ARHGAP21: variants seen among roughly 807,000 people sequenced by gnomAD.
The protein encoded by ARHGAP21 is Rho GTPase activating protein 21.
ARHGAP21 carries 38 observed loss-of-function variants against 164.6 expected under a neutral mutation model. The observed-to-expected ratio is 0.23, with a 90% CI of 0.18 to 0.30. The LOEUF is 0.30. Among genes scored for constraint, ARHGAP21 ranks in the 10% least tolerant of loss-of-function variants. The pLI is 1.00. For synonymous variants in ARHGAP21, 766 were observed against 857.9 expected, an observed-to-expected ratio of 0.89 and a Z score of 1.87; for missense variants, 1,822 against 2,370.7, an observed-to-expected ratio of 0.77 and a Z score of 4.81.
At chr10:24,625,299 GAAAAAAAA>G (rs34935501) in intron 7 of ARHGAP21, among the ~76,000 whole-genome samples, 4 of 53,798 alleles carry the variant, frequency 7.4e-5, no homozygotes, top group South Asian at 8.4e-4. Context: ...ATGAAACAGA[GAAAAAAAA>G]AAAAAAAAAA....
At position 24,628,760 on chromosome 10, in the gene ARHGAP21, T is replaced by TGC. The variant is rs1472606198; in HGVS notation, c.495+1235_495+1236insGC. ...TATTTTCTTGAATGAAATATGTGTGTGTGTGTGTGTGCATATATATATACA... is the reference window on the plus strand; with the variant it reads ...TATTTTCTTGAATGAAATATGTGTGTGCGTGTGTGTGTGCATATATATATACA... On this transcript the variant is annotated intron_variant, in intron 7 of 25. Coordinates refer to ENST00000396432, the MANE Select transcript of ARHGAP21 (RefSeq NM_020824.4). Among the ~76,000 whole-genome samples the TGC allele has an allele frequency of 7.1e-5, 8 of 112,466 alleles. No homozygotes were observed. In the East Asian group the frequency reaches 1.1e-3, roughly 15 times the overall value. The allele number at this position is 112,466 out of a possible 152,430, so 73.8% of individuals were successfully genotyped here. A position where few individuals can be genotyped will look rare whatever the true frequency, so the allele number is the denominator to read the frequency against.
At chr10:24,659,813 G>A (rs1839489897) in intron 4 of ARHGAP21, among the ~76,000 whole-genome samples, 1 of 152,206 alleles carries the variant, frequency 6.6e-6, no homozygotes, top group African/African-American at 2.4e-5. Flanking sequence ...CAAGAGTAAA[G>A]AACTTTATTG....
intron 4 of ARHGAP21, chr10:24,640,251 G>A (rs1353653050): frequency 6.6e-6 from 1 of 151,208 alleles, no homozygotes; most frequent in Non-Finnish European, 1.5e-5. Context: ...TACTTGGATG[G>A]GAGACTGCCT....
At chr10:24,589,653 C>A (rs1463898387) in intron 24 of ARHGAP21, 5 of 218,900 alleles carry the variant, frequency 2.3e-5, no homozygotes, top group Non-Finnish European at 1.8e-5. Flanking sequence ...TTTTAATGTA[C>A]CACATCCTGT....
intron 7 of ARHGAP21, among the ~76,000 whole-genome samples, chr10:24,627,045 G>A (rs757041416): frequency 2.6e-5 from 4 of 152,012 alleles, no homozygotes; most frequent in Non-Finnish European, 4.4e-5. Context: ...GTCCTTACAC[G>A]AGTCAAATTT....
At position 24,596,023 on chromosome 10, in the gene ARHGAP21, G is replaced by A; in HGVS notation, c.3498C>T (p.Asp1166=). The change falls in exon 18 of 26, where the codon GAC becomes GAT. Residue 1166 remains aspartate, a synonymous_variant. Coordinates refer to ENST00000396432, the MANE Select transcript of ARHGAP21 (RefSeq NM_020824.4). The part of the protein sequence containing the change: ...HTNRYIPLIV[D]ICCKLVEERG... ...TTTCTTCAACTAATTTGCAACATAT[G>A]TCAACTATTAATGGAATATACTGCA... 1 of 1,603,878 alleles carries A rather than the reference G, an allele frequency of 6.2e-7. No individual in the cohort carries two copies. Among genetic ancestry groups the A allele is most frequent in the East Asian group, 2.2e-5 (1 of 44,724 alleles).
At chr10:24,704,285 TTTTC>T (rs1239260499) in intron 2 of ARHGAP21, among the ~76,000 whole-genome samples, 17 of 147,498 alleles carry the variant, frequency 1.2e-4, no homozygotes, top group South Asian at 6.3e-4. Context: ...ACATTTTTTC[TTTTC>T]TTTTTTTTTT....
chr10:24,658,144 A>G (rs980741005), intron 4 of ARHGAP21, among the ~76,000 whole-genome samples: 6 of 152,206 alleles, frequency 3.9e-5, no homozygotes, highest in African/African-American at 1.2e-4. Context: ...CACACCAGTT[A>G]GAATGGCGAT....
chr10:24,697,695 G>GA (rs1374498739), intron 2 of ARHGAP21, among the ~76,000 whole-genome samples: 1 of 151,544 alleles, frequency 6.6e-6, no homozygotes, highest in Non-Finnish European at 1.5e-5. Context: ...CGTCTCTACT[G>GA]AAAAAATACA....
chr10:24,655,980 A>C (rs1174490598), intron 4 of ARHGAP21, among the ~76,000 whole-genome samples: 2 of 102,018 alleles, frequency 2.0e-5, no homozygotes, highest in East Asian at 3.3e-4. Flanking sequence ...CTGCCTGGCA[A>C]CCACCCCGTC....
At chr10:24,628,872 T>TACATATATATAC (rs1565053495) in intron 7 of ARHGAP21, 2 of 108,702 alleles carry the variant, frequency 1.8e-5, no homozygotes, top group Non-Finnish European at 3.7e-5. Flanking sequence ...CATATATACA[T>TACATATATATAC]ACATATATAC....
intron 4 of ARHGAP21, among the ~76,000 whole-genome samples, chr10:24,664,506 A>G (rs1053435938): frequency 2.6e-5 from 4 of 151,558 alleles, no homozygotes; most frequent in Non-Finnish European, 5.9e-5. Flanking sequence ...CATTGAGCCG[A>G]GATCATGCCA....
At position 24,591,141 on chromosome 10, in the gene ARHGAP21, A is replaced by C. The variant is rs1222568991; in HGVS notation, c.4150+84T>G. 5.9e-6 allele frequency: 7 copies of C among 1,192,962 alleles called. No individual in the cohort carries two copies. In the East Asian group the frequency reaches 1.4e-4, roughly 24 times the overall value. The allele number at this position is 1,192,962 out of a possible 1,614,324, so 73.9% of individuals were successfully genotyped here. On this transcript the variant is annotated intron_variant, in intron 24 of 25. Coordinates refer to ENST00000396432, the MANE Select transcript of ARHGAP21 (RefSeq NM_020824.4). ...GAAAAAGAAAAAAATCATAAGTAAC[A>C]ATTCACTATGATTGATTTGCTCTTT...
At chr10:24,644,437 G>A (rs767939616) in intron 4 of ARHGAP21, among the ~76,000 whole-genome samples, 2 of 152,076 alleles carry the variant, frequency 1.3e-5, no homozygotes, top group Non-Finnish European at 1.5e-5. Flanking sequence ...GGGGAAAACT[G>A]CCAACTACCC....
At chr10:24,656,545 C>A (rs1212713463) in intron 4 of ARHGAP21, among the ~76,000 whole-genome samples, 2 of 94,886 alleles carry the variant, frequency 2.1e-5, no homozygotes, top group Admixed American at 8.8e-5. Flanking sequence ...CCCGGCCAGC[C>A]GCCCTGTCCG....
chr10:24,637,035 C>G (rs1047743384), intron 4 of ARHGAP21, among the ~76,000 whole-genome samples: 1 of 152,148 alleles, frequency 6.6e-6, no homozygotes, highest in African/African-American at 2.4e-5. Context: ...TAAATTCACA[C>G]AAGCCCTCAA....
chr10:24,620,986 A>G lies in ARHGAP21; in HGVS notation c.909T>C (p.Tyr303=). 6.2e-7 allele frequency: 1 copy of G among 1,614,032 alleles called. No homozygotes were observed. The highest frequency in any genetic ancestry group is 8.5e-7 in the Non-Finnish European group (1 of 1,179,882). The part of the protein sequence containing the change: ...GPSHRTEEVR[Y]GVSEQTSLKT... The stretch of plus-strand genomic sequence containing the variant: ...TTAAAGAGGTCTGCTCACTCACGCC[A>G]TACCTCACTTCTTCAGTTCTATGTG... The change falls in exon 9 of 26, where the codon TAT becomes TAC. Residue 303 remains tyrosine, a synonymous_variant. Coordinates refer to ENST00000396432, the MANE Select transcript of ARHGAP21 (RefSeq NM_020824.4).
chr10:24,719,648 TAA>T (rs1845737835), intron 2 of ARHGAP21, among the ~76,000 whole-genome samples: 1 of 152,222 alleles, frequency 6.6e-6, no homozygotes, highest in African/African-American at 2.4e-5. Context: ...TAAAATTTTT[TAA>T]AGAGTGATAG....
At chr10:24,616,724 T>G (rs1833985562) in intron 9 of ARHGAP21, among the ~76,000 whole-genome samples, 1 of 152,128 alleles carries the variant, frequency 6.6e-6, no homozygotes, top group Non-Finnish European at 1.5e-5. Context: ...ATTAGAGAAG[T>G]GTAGGAAGTC....
Sources: allele counts gnomAD v4.1 joint callset (sites outside exome capture counted in the v4.1 genomes callset), GRCh38; gene constraint gnomAD v4.1.1; transcripts MANE v1.5; gene names NCBI Gene and HGNC (gene_info 2026-07-23, HGNC 2026-07-21).